The following BMPER variants were observed in gnomAD, a reference collection of about 807,000 sequenced individuals.
BMPER encodes BMP binding endothelial regulator, also known as BMP-binding endothelial regulator protein.
Under a neutral mutation model 87.3 loss-of-function variants are expected in BMPER, and 45 were observed. That is an observed-to-expected ratio of 0.52 (90% CI 0.41 to 0.66). The LOEUF (loss-of-function observed/expected upper bound fraction) is 0.66. Ranked by LOEUF, BMPER falls within the 30% of genes least tolerant of loss-of-function variation. BMPER has a pLI of 0.00. For missense variants in BMPER, 784 were observed against 867.5 expected (o/e 0.90, Z 1.21); for synonymous variants, 326 against 316.2 (o/e 1.03, Z -0.33).
chr7:33,967,841 A>C (rs1785441490), intron 4 of BMPER, among the ~76,000 whole-genome samples: 1 of 152,208 alleles, frequency 6.6e-6, no homozygotes, highest in South Asian at 2.1e-4. Flanking sequence ...TATCCTCTGG[A>C]GTCTAGCATA....
chr7:34,070,367 T>C (rs1159788200), intron 11 of BMPER, among the ~76,000 whole-genome samples: 1 of 152,230 alleles, frequency 6.6e-6, no homozygotes, highest in African/African-American at 2.4e-5. Context: ...CTCATACTTT[T>C]GGCATTTCTC....
intron 11 of BMPER, among the ~76,000 whole-genome samples, chr7:34,064,606 G>A (rs1017108594): frequency 3.9e-5 from 6 of 152,188 alleles, no homozygotes; most frequent in African/African-American, 7.2e-5. Context: ...CAATTGGCAA[G>A]GGAGAAGGCC....
chr7:34,063,741 G>A (rs1261282923), intron 11 of BMPER, among the ~76,000 whole-genome samples: 1 of 152,228 alleles, frequency 6.6e-6, no homozygotes, highest in Non-Finnish European at 1.5e-5. Context: ...GGATGGTTCA[G>A]AGGCTGCCTT....
intron 6 of BMPER, among the ~76,000 whole-genome samples, chr7:33,999,320 A>G (rs1234512143): frequency 6.6e-6 from 1 of 152,218 alleles, no homozygotes; most frequent in Non-Finnish European, 1.5e-5. Flanking sequence ...CAGCTAGTTT[A>G]AAAAAATGGT....
chr7:33,966,008 C>T lies in BMPER; in HGVS notation c.320-471C>T, dbSNP rs146488352. On this transcript the variant is annotated intron_variant, in intron 3 of 14. Coordinates refer to ENST00000649409, the MANE Select transcript of BMPER (RefSeq NM_001365308.1). ...TCTAGGGAAGACAGTAGCTCATCAA[C>T]AATCTTAGATGAGTATAGAATTTTG... 6.2e-4 allele frequency among the ~76,000 whole-genome samples: 94 copies of T among 152,294 alleles called. 2 individuals are homozygous for T. In the East Asian group the frequency reaches 0.012, roughly 19 times the overall value.
At chr7:34,135,650 G>A (rs1050361428) in intron 13 of BMPER, among the ~76,000 whole-genome samples, 17 of 152,114 alleles carry the variant, frequency 1.1e-4, no homozygotes, top group Middle Eastern at 3.2e-3. Flanking sequence ...GAAATTCTGT[G>A]CCTCTACTCA....
Position 34,068,187 on chromosome 7 carries a change from T to A in BMPER, c.1078+6140T>A, listed in dbSNP as rs560069212. On this transcript the variant is annotated intron_variant, in intron 11 of 14. Transcript: ENST00000649409. ...GCCGTCTTGTGGTCAAATAGTGCTG[T>A]TAGCTCCATTTTACAGTTGAGGGAA... Among the ~76,000 whole-genome samples, 11 of 152,350 alleles carry A rather than the reference T, an allele frequency of 7.2e-5. No homozygotes were observed. In the South Asian group the frequency reaches 2.3e-3, roughly 32 times the overall value.
intron 7 of BMPER, among the ~76,000 whole-genome samples, chr7:34,051,472 A>G (rs73329166): frequency 0.02 from 2,997 of 152,150 alleles, 81 homozygotes; most frequent in African/African-American, 0.064. Context: ...TGACCTCCCA[A>G]TTCCCACAGT....
At chr7:34,145,713 T>G (rs1330271402) in intron 14 of BMPER, among the ~76,000 whole-genome samples, 1 of 152,198 alleles carries the variant, frequency 6.6e-6, no homozygotes, top group Admixed American at 6.5e-5. Flanking sequence ...AGAATTCTAT[T>G]AATTTGATTA....
intron 13 of BMPER, among the ~76,000 whole-genome samples, chr7:34,102,484 G>A (rs997162245): frequency 6.6e-6 from 1 of 152,306 alleles, no homozygotes; most frequent in South Asian, 2.1e-4. Context: ...ATGGAGGTGG[G>A]TGATGCCGCT....
At chr7:34,108,262 T>C (rs1488237043) in intron 13 of BMPER, among the ~76,000 whole-genome samples, 1 of 152,212 alleles carries the variant, frequency 6.6e-6, no homozygotes, top group Admixed American at 6.5e-5. Context: ...GTTGTACACT[T>C]CTGTTTTTTT....
intron 12 of BMPER, among the ~76,000 whole-genome samples, chr7:34,084,077 G>A (rs1181615837): frequency 2.6e-5 from 4 of 151,704 alleles, no homozygotes; most frequent in Non-Finnish European, 4.4e-5. Flanking sequence ...GCCAAGGCGA[G>A]TGGATTGCCT....
intron 11 of BMPER, among the ~76,000 whole-genome samples, chr7:34,063,829 T>C (rs1182392145): frequency 2.0e-5 from 3 of 152,244 alleles, no homozygotes; most frequent in Non-Finnish European, 4.4e-5. Context: ...TCAATGGAGA[T>C]GTTTGCATTT....
intron 10 of BMPER, among the ~76,000 whole-genome samples, chr7:34,061,612 G>A (rs1028884580): frequency 6.6e-6 from 1 of 152,126 alleles, no homozygotes; most frequent in Non-Finnish European, 1.5e-5. Flanking sequence ...TGTAGGGTTC[G>A]CTAGGTTGAC....
intron 6 of BMPER, among the ~76,000 whole-genome samples, chr7:33,991,962 T>C (rs1176371422): frequency 0.013 from 1,913 of 144,362 alleles, 44 homozygotes; most frequent in African/African-American, 0.047. Flanking sequence ...TCTAGTTTGA[T>C]TGCACTGTGG....
intron 13 of BMPER, among the ~76,000 whole-genome samples, chr7:34,100,146 TA>T (rs1198798007): frequency 6.6e-6 from 1 of 152,202 alleles, no homozygotes; most frequent in Non-Finnish European, 1.5e-5. Context: ...AGGGGTGAGA[TA>T]AACAGCATGA....
chr7:34,017,787 G>C (rs1003815925), intron 6 of BMPER, among the ~76,000 whole-genome samples: 5 of 151,808 alleles, frequency 3.3e-5, no homozygotes, highest in Non-Finnish European at 5.9e-5. Flanking sequence ...GAGGCTGCTG[G>C]TCCATGCTTT....
chr7:34,055,287 G>C lies in BMPER; in HGVS notation c.911G>C (p.Gly304Ala), dbSNP rs747654032. The change falls in exon 9 of 15, where the codon GGC becomes GCC. Residue 304 changes from glycine to alanine, a missense_variant. Gly to Ala is a moderately conservative substitution (Grantham distance 60). Coordinates refer to ENST00000649409, the MANE Select transcript of BMPER (RefSeq NM_001365308.1). ...PPEDIKVCKF[G>A]NKIFQDGEMW... is the part of the protein sequence containing the mutation. ...GAAGACATCAAAGTATGCAAATTTG[G>C]CAACAAGATTTTCCAGGTATGTCAT... The C allele has an allele frequency of 6.2e-7, 1 of 1,613,994 alleles. No individual in the cohort carries two copies. The highest frequency in any genetic ancestry group is 8.5e-7 in the Non-Finnish European group (1 of 1,179,994).
At chr7:33,916,745 C>T (rs1480092082) in intron 2 of BMPER, among the ~76,000 whole-genome samples, 2 of 152,138 alleles carry the variant, frequency 1.3e-5, no homozygotes, top group Non-Finnish European at 2.9e-5. Flanking sequence ...GTAAGAACCT[C>T]GTCGTGGTCA....
Sources: allele counts gnomAD v4.1 joint callset (sites outside exome capture counted in the v4.1 genomes callset), GRCh38; gene constraint gnomAD v4.1.1; transcripts MANE v1.5; gene names NCBI Gene and HGNC (gene_info 2026-07-23, HGNC 2026-07-21).